Variants in ACTR3C observed in about 807,000 individuals in gnomAD.
ACTR3C encodes actin related protein 3C.
In ACTR3C, 18 loss-of-function variants were observed where a neutral mutation model predicts 26.3. The ratio of observed to expected loss-of-function variants is 0.68; its 90% CI spans 0.47 to 1.01. The LOEUF is 1.01. Ranked by LOEUF, ACTR3C falls within the 50% of genes least tolerant of loss-of-function variation. The probability of loss-of-function intolerance (pLI) is 0.00; values close to 1 mark genes in which losing one functional copy is unlikely to be tolerated. For synonymous variants in ACTR3C, 55 were observed against 94.5 expected, an observed-to-expected ratio of 0.58 and a Z score of 2.42; for missense variants, 184 against 250.7, an observed-to-expected ratio of 0.73 and a Z score of 1.80.
At chr7:149,972,813 G>T in the ACTR3C span, among the ~76,000 whole-genome samples, 1 of 152,156 alleles carries the variant, frequency 6.6e-6, no homozygotes, top group Admixed American at 6.5e-5. Context: ...GGTAAGCCCT[G>T]TGAGCAGACA....
chr7:150,203,723 G>A, the ACTR3C span, among the ~76,000 whole-genome samples: 1,636 of 152,080 alleles, frequency 0.011, 26 homozygotes, highest in African/African-American at 0.038. Flanking sequence ...CCGCCACCAC[G>A]CCTGGCTAAT....
chr7:150,123,410 T>C, the ACTR3C span, among the ~76,000 whole-genome samples: 1 of 152,090 alleles, frequency 6.6e-6, no homozygotes, highest in Non-Finnish European at 1.5e-5. Context: ...CCAGTACTGA[T>C]TGTGGCAAAG....
At chr7:150,169,225 C>A in the ACTR3C span, among the ~76,000 whole-genome samples, 2 of 149,578 alleles carry the variant, frequency 1.3e-5, no homozygotes, top group Non-Finnish European at 2.9e-5. Flanking sequence ...ACCAAAAATA[C>A]AAAAAAAGTT....
At chr7:150,016,285 C>T in the ACTR3C span, among the ~76,000 whole-genome samples, 3 of 152,144 alleles carry the variant, frequency 2.0e-5, no homozygotes, top group Admixed American at 2.0e-4. Flanking sequence ...ATTCTGACAA[C>T]TGCTTATTTG....
the ACTR3C span, among the ~76,000 whole-genome samples, chr7:150,221,381 G>A: frequency 6.6e-6 from 1 of 152,072 alleles, no homozygotes; most frequent in Non-Finnish European, 1.5e-5. Context: ...TTGACCCCAG[G>A]GAACCAGGAA....
the ACTR3C span, among the ~76,000 whole-genome samples, chr7:149,957,249 G>A: frequency 6.6e-6 from 1 of 151,996 alleles, no homozygotes; most frequent in Non-Finnish European, 1.5e-5. Flanking sequence ...CAGAAGGTGT[G>A]GTGCCCTCCG....
the ACTR3C span, among the ~76,000 whole-genome samples, chr7:150,022,021 T>C: frequency 6.6e-6 from 1 of 151,794 alleles, no homozygotes; most frequent in African/African-American, 2.4e-5. Flanking sequence ...AGATCTACTT[T>C]TAGTTCTTTA....
At chr7:149,980,678 C>G in the ACTR3C span, among the ~76,000 whole-genome samples, 2 of 152,078 alleles carry the variant, frequency 1.3e-5, no homozygotes, top group East Asian at 1.9e-4. Flanking sequence ...AAACATAGTC[C>G]TAGACTTAAT....
At chr7:150,144,419 T>G in the ACTR3C span, among the ~76,000 whole-genome samples, 1 of 152,202 alleles carries the variant, frequency 6.6e-6, no homozygotes, top group Non-Finnish European at 1.5e-5. This position sits in a 1 kb window ranked among gnomAD's most constrained non-coding sequence, Gnocchi z 4.6. Context: ...AGGAACACTA[T>G]AATTTATATT....
the ACTR3C span, among the ~76,000 whole-genome samples, chr7:150,133,310 C>A: frequency 6.6e-5 from 10 of 152,302 alleles, no homozygotes; most frequent in African/African-American, 2.4e-4. Flanking sequence ...GGGACCAACT[C>A]TCCCTCCCCA....
the ACTR3C span, among the ~76,000 whole-genome samples, chr7:150,033,505 C>T: frequency 1.3e-5 from 2 of 152,232 alleles, no homozygotes. Context: ...ATCCACAGTA[C>T]TCCAGGTGGG....
At chr7:150,079,381 C>A in the ACTR3C span, among the ~76,000 whole-genome samples, 1 of 152,144 alleles carries the variant, frequency 6.6e-6, no homozygotes, top group Non-Finnish European at 1.5e-5. Flanking sequence ...GTGGTGACAG[C>A]CCAGTCAGTC....
At chr7:150,095,324 G>C in the ACTR3C span, among the ~76,000 whole-genome samples, 4 of 150,300 alleles carry the variant, frequency 2.7e-5, no homozygotes, top group African/African-American at 1.0e-4. Context: ...ACCTGCTAAA[G>C]TTCAGCCCCC....
the ACTR3C span, among the ~76,000 whole-genome samples, chr7:150,212,365 G>C: frequency 2.0e-5 from 3 of 148,226 alleles, no homozygotes; most frequent in African/African-American, 7.9e-5. Context: ...TTATGTATGA[G>C]CTTAGATTCA....
the ACTR3C span, among the ~76,000 whole-genome samples, chr7:150,103,415 C>A: frequency 6.6e-6 from 1 of 151,972 alleles, no homozygotes; most frequent in African/African-American, 2.4e-5. Flanking sequence ...GAAGCTCAAT[C>A]CCAAAGCCAG....
At chr7:149,992,597 G>GC in the ACTR3C span, among the ~76,000 whole-genome samples, 1 of 152,170 alleles carries the variant, frequency 6.6e-6, no homozygotes, top group Non-Finnish European at 1.5e-5. Context: ...TACAGGTGAC[G>GC]CATCTCCACG....
chr7:149,908,252 A>G, the ACTR3C span, among the ~76,000 whole-genome samples: 1 of 152,196 alleles, frequency 6.6e-6, no homozygotes, highest in Admixed American at 6.5e-5. Context: ...GACTATGATA[A>G]CATTAATTTC....
At chr7:150,262,629 G>A (rs1584863758) in intron 6 of ACTR3C, among the ~76,000 whole-genome samples, 1 of 152,158 alleles carries the variant, frequency 6.6e-6, no homozygotes. Flanking sequence ...CCCAACTGAT[G>A]TCAGTCGTTA....
the ACTR3C span, among the ~76,000 whole-genome samples, chr7:150,037,554 C>T: frequency 7.8e-4 from 38 of 48,862 alleles, 9 homozygotes; most frequent in African/African-American, 2.6e-3. Flanking sequence ...CCCCCTCGTG[C>T]GATGGGGGTC....
Sources: gnomAD v4.1 joint callset for allele counts (sites outside exome capture counted in the v4.1 genomes callset) on GRCh38, gnomAD v4.1.1 for gene constraint, Gnocchi (gnomAD v3.1) non-coding constraint, MANE v1.5 for transcripts, NCBI Gene and HGNC (gene_info 2026-07-23, HGNC 2026-07-21) for gene names.